Variants in LDLRAD3 observed in about 807,000 individuals in gnomAD.
LDLRAD3 encodes the protein low density lipoprotein receptor class A domain containing 3, also known as low-density lipoprotein receptor class A domain-containing protein 3.
In LDLRAD3, 20 loss-of-function variants were observed where a neutral mutation model predicts 29.4. The observed-to-expected ratio is 0.68, with a 90% CI of 0.48 to 0.99. LDLRAD3 has a LOEUF of 0.99. Ranked by LOEUF, LDLRAD3 falls within the 50% of genes least tolerant of loss-of-function variation. LDLRAD3 has a pLI of 0.00. For missense variants in LDLRAD3, 420 were observed against 454.3 expected (o/e 0.92, Z 0.69); for synonymous variants, 157 against 192.7 (o/e 0.81, Z 1.53).
intron 4 of LDLRAD3, among the ~76,000 whole-genome samples, chr11:36,125,772 A>G (rs148033644): frequency 3.9e-5 from 6 of 152,300 alleles, no homozygotes; most frequent in African/African-American, 1.2e-4. Flanking sequence ...GGAGGTGGAC[A>G]GAGTTTTGGT....
Position 36,207,509 on chromosome 11 carries a change from G to T in LDLRAD3, c.455-19576G>T, listed in dbSNP as rs186816782. Among the ~76,000 whole-genome samples, 252 of 152,216 alleles carry T rather than the reference G, an allele frequency of 1.7e-3. 2 individuals are homozygous for T. Among genetic ancestry groups the T allele is most frequent in the Non-Finnish European group, 2.8e-3 (189 of 68,000 alleles). On this transcript the variant is annotated intron_variant, in intron 4 of 5. Coordinates refer to ENST00000315571, the MANE Select transcript of LDLRAD3 (RefSeq NM_174902.4). ...TAAAAATAATTTTTAAAATTAGCCG[G>T]CATGGTGGCATGCACCTGGGGTCCC...
intron 4 of LDLRAD3, among the ~76,000 whole-genome samples, chr11:36,105,824 T>C (rs1026067399): frequency 1.8e-4 from 28 of 152,216 alleles, no homozygotes; most frequent in Non-Finnish European, 3.2e-4. Context: ...TCTATTGTTT[T>C]AGCTGCCTAG....
intron 1 of LDLRAD3, among the ~76,000 whole-genome samples, chr11:36,034,137 C>T (rs542226918): frequency 4.6e-5 from 7 of 152,214 alleles, no homozygotes. Flanking sequence ...CCCTCTTTCT[C>T]GGAATCTTTT....
At chr11:36,070,889 T>G (rs2133245258) in intron 2 of LDLRAD3, among the ~76,000 whole-genome samples, 1 of 152,246 alleles carries the variant, frequency 6.6e-6, no homozygotes, top group Non-Finnish European at 1.5e-5. Context: ...TCAAGGTCCT[T>G]AGTCAAAGGA....
chr11:36,093,606 C>T (rs1172679029), intron 3 of LDLRAD3, among the ~76,000 whole-genome samples: 3 of 152,186 alleles, frequency 2.0e-5, no homozygotes, highest in South Asian at 2.1e-4. Context: ...CTCCCTGCCC[C>T]GCCCAGGCCT....
At chr11:35,988,406 T>G (rs1851641233) in intron 1 of LDLRAD3, among the ~76,000 whole-genome samples, 1 of 152,164 alleles carries the variant, frequency 6.6e-6, no homozygotes, top group Non-Finnish European at 1.5e-5. Flanking sequence ...TTGCCCACTT[T>G]TTAATGAGGT....
rs33941156 is a variant in LDLRAD3, at chr11:35,991,867, TTGTG to T, written c.47-44202_47-44199del. On this transcript the variant is annotated intron_variant, in intron 1 of 5. Transcript: ENST00000315571. Reference sequence around the variant, plus strand: ...AGCAGTTCATAAATTGAATGGTTGTTTGTGTGTGTGTGTGTGTGTGTGTGTGTGT... The same window carrying T: ...AGCAGTTCATAAATTGAATGGTTGTTTGTGTGTGTGTGTGTGTGTGTGTGT... 1.6e-3 allele frequency among the ~76,000 whole-genome samples: 134 copies of T among 82,748 alleles called. 3 individuals are homozygous for T. In the South Asian group the frequency reaches 0.023, roughly 14 times the overall value. The allele number at this position is 82,748 out of a possible 152,430, so 54.3% of individuals were successfully genotyped here. A position where few individuals can be genotyped will look rare whatever the true frequency, so the allele number is the denominator to read the frequency against.
In LDLRAD3 at chr11:36,132,815, C is replaced by T. The variant is rs558895016; in HGVS notation, c.454+34354C>T. Among the ~76,000 whole-genome samples, 50 of 152,324 alleles carry T rather than the reference C, an allele frequency of 3.3e-4. No individual in the cohort carries two copies. The East Asian group carries it at 7.5e-3, about 23-fold the overall frequency. On this transcript the variant is annotated intron_variant, in intron 4 of 5. Coordinates refer to ENST00000315571, the MANE Select transcript of LDLRAD3 (RefSeq NM_174902.4). ...TTAACGCACTCATAAGTAACGTACT[C>T]ATGCGGGGCCGTGTATACAGAGGGA...
intron 1 of LDLRAD3, among the ~76,000 whole-genome samples, chr11:35,992,647 AATAC>A (rs1386391778): frequency 7.2e-5 from 11 of 152,238 alleles, no homozygotes; most frequent in Non-Finnish European, 1.6e-4. Context: ...AGAATAGGCA[AATAC>A]ATGGAGATAG....
chr11:36,056,091 G>A (rs949358997), intron 2 of LDLRAD3, among the ~76,000 whole-genome samples: 1 of 148,616 alleles, frequency 6.7e-6, no homozygotes, highest in Non-Finnish European at 1.5e-5. Context: ...TGCCTCCCAG[G>A]TTCAAGCAAT....
intron 1 of LDLRAD3, among the ~76,000 whole-genome samples, chr11:36,033,493 T>C (rs571175884): frequency 1.3e-3 from 204 of 152,334 alleles, no homozygotes; most frequent in Non-Finnish European, 7.3e-4. Flanking sequence ...CAAAAATCTG[T>C]TTATCAGAAC....
At position 35,944,171 on chromosome 11, in the gene LDLRAD3, TCCCGCGGGGCGCGG is replaced by T. The variant is rs932878243; in HGVS notation, c.46+28_46+41del. On this transcript the variant is annotated intron_variant, in intron 1 of 5. Transcript: ENST00000315571. This position sits in a 1 kb window ranked among gnomAD's most constrained non-coding sequence, Gnocchi z 4.9. ...TGAGTCGGGGGGCGGCCGGCGAACT[TCCCGCGGGGCGCGG>T]GGCGCGGGGCGCGGGGCGCAGCGGC... The T allele has an allele frequency of 9.1e-6, 9 of 989,280 alleles. No individual in the cohort carries two copies. Among genetic ancestry groups the T allele is most frequent in the African/African-American group, 1.8e-5 (1 of 55,308 alleles). The allele number at this position is 989,280 out of a possible 1,614,324, so 61.3% of individuals were successfully genotyped here.
chr11:36,220,818 C>A (rs1017205523), intron 4 of LDLRAD3, among the ~76,000 whole-genome samples: 27 of 152,248 alleles, frequency 1.8e-4, no homozygotes, highest in African/African-American at 6.3e-4. Context: ...TGGAAGAGGA[C>A]ATGTGACTGT....
chr11:36,034,111 T>C (rs1203959503), intron 1 of LDLRAD3, among the ~76,000 whole-genome samples: 3 of 152,230 alleles, frequency 2.0e-5, no homozygotes, highest in Non-Finnish European at 4.4e-5. Context: ...TCTATCAACA[T>C]CCACTGTAGA....
At chr11:36,154,281 A>G (rs1590314709) in intron 4 of LDLRAD3, among the ~76,000 whole-genome samples, 1 of 152,170 alleles carries the variant, frequency 6.6e-6, no homozygotes, top group Non-Finnish European at 1.5e-5. Context: ...CCATGATACT[A>G]CCACCACTGA....
At chr11:35,946,228 T>C (rs1851054922) in intron 1 of LDLRAD3, among the ~76,000 whole-genome samples, 1 of 152,152 alleles carries the variant, frequency 6.6e-6, no homozygotes, top group African/African-American at 2.4e-5. Flanking sequence ...TACCCCTCCA[T>C]CCCATGGCCT....
intron 4 of LDLRAD3, among the ~76,000 whole-genome samples, chr11:36,116,389 G>A (rs1853674637): frequency 1.3e-5 from 2 of 152,186 alleles, no homozygotes; most frequent in Non-Finnish European, 2.9e-5. Context: ...CCAGTGGAAT[G>A]TTCACATATA....
At chr11:35,987,136 G>A (rs1851625203) in intron 1 of LDLRAD3, among the ~76,000 whole-genome samples, 1 of 152,242 alleles carries the variant, frequency 6.6e-6, no homozygotes, top group African/African-American at 2.4e-5. Flanking sequence ...TCCTGTGGTG[G>A]AGGTGGGTCA....
chr11:36,152,556 A>G (rs142815867), intron 4 of LDLRAD3, among the ~76,000 whole-genome samples: 2 of 152,180 alleles, frequency 1.3e-5, no homozygotes, highest in African/African-American at 4.8e-5. Context: ...CACCAAAAAA[A>G]TCCTCCATAT....
Sources: allele counts gnomAD v4.1 joint callset (sites outside exome capture counted in the v4.1 genomes callset), GRCh38; gene constraint gnomAD v4.1.1; non-coding constraint Gnocchi (gnomAD v3.1); transcripts MANE v1.5; gene names NCBI Gene and HGNC (gene_info 2026-07-23, HGNC 2026-07-21).